KATNAL2: variants seen among roughly 807,000 people sequenced by gnomAD.
KATNAL2 encodes the protein katanin p60 ATPase-containing subunit A-like 2.
In KATNAL2, 52 loss-of-function variants were observed where a neutral mutation model predicts 76.3. The ratio of observed to expected loss-of-function variants is 0.68; its 90% CI spans 0.55 to 0.86. KATNAL2 has a LOEUF of 0.86. Ranked by LOEUF, KATNAL2 falls within the 40% of genes least tolerant of loss-of-function variation. The pLI is 0.00. For synonymous variants in KATNAL2, 243 were observed against 244.2 expected (o/e 1.00, Z 0.05); for missense variants, 660 against 668.9 (o/e 0.99, Z 0.15).
chr18:47,046,539 T>TC lies in KATNAL2; in HGVS notation c.122+12_122+13insC, dbSNP rs1294826142. The TC allele has an allele frequency of 6.7e-7, 1 of 1,498,636 alleles. No homozygotes were observed. Among genetic ancestry groups the TC allele is most frequent in the Admixed American group, 2.0e-5 (1 of 50,940 alleles). The allele number at this position is 1,498,636 out of a possible 1,614,324, so 92.8% of individuals were successfully genotyped here. A position where few individuals can be genotyped will look rare whatever the true frequency, so the allele number is the denominator to read the frequency against. On this transcript the variant is annotated intron_variant, in intron 4 of 17. Coordinates refer to ENST00000683218, the MANE Select transcript of KATNAL2 (RefSeq NM_001387690.1). ...TTAACACAAGAAGGGTATGTTACAG[T>TC]ACAAACATTTATAGAGATGATTCCT...
At chr18:47,034,438 G>A in intron 3 of KATNAL2, 4 of 1,614,156 alleles carry the variant, frequency 2.5e-6, no homozygotes, top group Non-Finnish European at 1.7e-6. Context: ...GAAGTCCGAA[G>A]GCTGCCTGTC....
chr18:47,067,193 C>G (rs979675015), intron 11 of KATNAL2, 74 bp downstream of exon 11: 4 of 667,712 alleles, frequency 6.0e-6, no homozygotes, highest in Non-Finnish European at 1.0e-5. Flanking sequence ...ACACAACTAT[C>G]AGGAAGGGAA....
rs1436215650 is a variant in KATNAL2, at chr18:46,946,843, C to G, written c.-19-11C>G. 2 of 1,534,252 alleles carry G rather than the reference C, an allele frequency of 1.3e-6. No individual in the cohort carries two copies. Among genetic ancestry groups the G allele is most frequent in the Non-Finnish European group, 1.7e-6 (2 of 1,145,636 alleles). On this transcript the variant is annotated splice_polypyrimidine_tract_variant and intron_variant, in intron 2 of 17. Transcript: ENST00000683218. Reference sequence around the variant, plus strand: ...CAGCCCAGTAACTGACTACTTTTCTCCCTTCTCTAGGGTCCTAGCACAGTG... The same window carrying G: ...CAGCCCAGTAACTGACTACTTTTCTGCCTTCTCTAGGGTCCTAGCACAGTG...
intron 15 of KATNAL2, among the ~76,000 whole-genome samples, chr18:47,097,640 T>A (rs2063306687): frequency 6.6e-6 from 1 of 152,182 alleles, no homozygotes; most frequent in African/African-American, 2.4e-5. Flanking sequence ...AAAAGAGGTT[T>A]AAGAGACAGA....
intron 1 of KATNAL2, among the ~76,000 whole-genome samples, chr18:46,925,827 C>T (rs2058710733): frequency 6.6e-6 from 1 of 152,072 alleles, no homozygotes; most frequent in Non-Finnish European, 1.5e-5. Flanking sequence ...ATGTATGTGT[C>T]GAGGAATTTA....
At chr18:47,085,521 T>C (rs1163641530) in intron 15 of KATNAL2, among the ~76,000 whole-genome samples, 2 of 152,168 alleles carry the variant, frequency 1.3e-5, no homozygotes, top group Non-Finnish European at 2.9e-5. Flanking sequence ...ATCACTATTG[T>C]AGAATCTAAG....
At chr18:46,954,301 T>TCTC (rs1390335165) in intron 3 of KATNAL2, among the ~76,000 whole-genome samples, 1 of 150,934 alleles carries the variant, frequency 6.6e-6, no homozygotes, top group African/African-American at 2.4e-5. Flanking sequence ...TATGTTTTCT[T>TCTC]CTCCTTCTTC....
intron 14 of KATNAL2, among the ~76,000 whole-genome samples, chr18:47,075,773 T>C (rs1269517886): frequency 6.6e-6 from 1 of 152,218 alleles, no homozygotes; most frequent in African/African-American, 2.4e-5. Flanking sequence ...GCCACGTCTG[T>C]ACTTCACTCC....
At chr18:47,092,804 T>G (rs1015327316) in intron 15 of KATNAL2, among the ~76,000 whole-genome samples, 1 of 152,208 alleles carries the variant, frequency 6.6e-6, no homozygotes, top group African/African-American at 2.4e-5. Flanking sequence ...TCCCTTATAG[T>G]CCTTTGGTGT....
At chr18:47,031,447 G>A (rs1800544509) in intron 3 of KATNAL2, among the ~76,000 whole-genome samples, 2 of 151,990 alleles carry the variant, frequency 1.3e-5, no homozygotes, top group African/African-American at 2.4e-5. Flanking sequence ...TGTGGTGGGG[G>A]CGGGGTGTGT....
intron 3 of KATNAL2, chr18:47,033,929 C>T (rs3744863): frequency 0.48 from 771,589 of 1,612,638 alleles, 187,618 homozygotes; most frequent in East Asian, 0.7. Flanking sequence ...GCGGAATCAG[C>T]GCCGGCCGCC....
intron 15 of KATNAL2, among the ~76,000 whole-genome samples, chr18:47,088,416 C>G (rs1260582264): frequency 6.6e-6 from 1 of 152,138 alleles, no homozygotes; most frequent in African/African-American, 2.4e-5. Flanking sequence ...ATGGGCTACT[C>G]CATCTTGGCC....
At chr18:46,946,776 G>C in intron 2 of KATNAL2, 78 bp from the exon 3 acceptor site, 2 of 1,328,720 alleles carry the variant, frequency 1.5e-6, no homozygotes, top group African/African-American at 2.9e-5. Context: ...AATCCGGAAA[G>C]GGGCGGGCTG....
chr18:47,075,510 A>C (rs2062175152), intron 14 of KATNAL2, 142 bp downstream of exon 14: 2 of 483,838 alleles, frequency 4.1e-6, no homozygotes, highest in Admixed American at 8.8e-5. Flanking sequence ...CTGCAGACAC[A>C]TGGAAAGGTC....
intron 1 of KATNAL2, among the ~76,000 whole-genome samples, chr18:46,928,262 T>C (rs2058793349): frequency 6.6e-6 from 1 of 152,190 alleles, no homozygotes; most frequent in Admixed American, 6.5e-5. Context: ...GATGGGTTTT[T>C]GGTGTGGATG....
intron 3 of KATNAL2, among the ~76,000 whole-genome samples, chr18:47,031,351 T>C (rs2060420690): frequency 1.3e-5 from 2 of 152,138 alleles, no homozygotes; most frequent in African/African-American, 2.4e-5. Flanking sequence ...TCGGCTTTTG[T>C]TTCTGCTGTC....
At chr18:46,920,064 G>C (rs891066215) in intron 1 of KATNAL2, 1 of 1,289,588 alleles carries the variant, frequency 7.8e-7, no homozygotes, top group Non-Finnish European at 1.0e-6. Context: ...CTTACGTGCA[G>C]TGTTCTTTGT....
At chr18:47,076,770 T>C (rs1218996063) in intron 14 of KATNAL2, among the ~76,000 whole-genome samples, 1 of 147,900 alleles carries the variant, frequency 6.8e-6, no homozygotes, top group Non-Finnish European at 1.5e-5. Context: ...TAATTATATA[T>C]TATGCTTATA....
At chr18:47,100,744 T>A in intron 17 of KATNAL2, 122 bp from the exon 18 acceptor site, 1 of 1,214,936 alleles carries the variant, frequency 8.2e-7, no homozygotes, top group Non-Finnish European at 1.2e-6. Flanking sequence ...TGCCTTTTGC[T>A]GCATTAACAA....
Sources: gnomAD v4.1 joint callset for allele counts (sites outside exome capture counted in the v4.1 genomes callset) on GRCh38, gnomAD v4.1.1 for gene constraint, MANE v1.5 for transcripts, NCBI Gene and HGNC (gene_info 2026-07-23, HGNC 2026-07-21) for gene names.